Variants in GPC6 observed in about 807,000 individuals in gnomAD.
The protein encoded by GPC6 is glypican-6.
In GPC6, 14 loss-of-function variants were observed where a neutral mutation model predicts 55.2. That is an observed-to-expected ratio of 0.25 (90% CI 0.17 to 0.40). GPC6 has a LOEUF of 0.40. Ranked by LOEUF, GPC6 falls within the 10% of genes least tolerant of loss-of-function variation. The pLI, the probability that GPC6 is intolerant of heterozygous loss-of-function variation, is 1.00. For missense variants in GPC6, 641 were observed against 708.5 expected (o/e 0.90, Z 1.08); for synonymous variants, 278 against 259.6 (o/e 1.07, Z -0.68).
At chr13:94,352,464 G>T (rs1346932206) in intron 6 of GPC6, among the ~76,000 whole-genome samples, 2 of 152,090 alleles carry the variant, frequency 1.3e-5, no homozygotes, top group African/African-American at 2.4e-5. Flanking sequence ...GGGAGGCACT[G>T]TAGGAGCTCC....
At chr13:94,007,530 G>A (rs562876079) in intron 3 of GPC6, among the ~76,000 whole-genome samples, 2 of 152,300 alleles carry the variant, frequency 1.3e-5, no homozygotes, top group East Asian at 1.9e-4. Flanking sequence ...AAGAGACCTC[G>A]GGAATGCATT....
At chr13:93,849,698 T>A (rs1265349488) in intron 3 of GPC6, among the ~76,000 whole-genome samples, 1 of 152,136 alleles carries the variant, frequency 6.6e-6, no homozygotes, top group Non-Finnish European at 1.5e-5. Flanking sequence ...TCAGCTCATC[T>A]TTCCAGAGGC....
At chr13:94,098,619 T>C (rs1385097503) in intron 4 of GPC6, among the ~76,000 whole-genome samples, 2 of 152,106 alleles carry the variant, frequency 1.3e-5, no homozygotes, top group Non-Finnish European at 2.9e-5. Flanking sequence ...TGGTCTCCTT[T>C]AATATGTTGG....
At chr13:94,364,343 T>C (rs550535029) in intron 6 of GPC6, among the ~76,000 whole-genome samples, 6 of 152,264 alleles carry the variant, frequency 3.9e-5, no homozygotes, top group Non-Finnish European at 8.8e-5. Flanking sequence ...TACTCCCTGG[T>C]TGGTGCCCCA....
intron 6 of GPC6, among the ~76,000 whole-genome samples, chr13:94,307,990 T>G (rs2139114141): frequency 6.6e-6 from 1 of 152,280 alleles, no homozygotes. Flanking sequence ...CAATAGTGTA[T>G]TGTTCACTTA....
intron 3 of GPC6, among the ~76,000 whole-genome samples, chr13:93,925,115 C>A (rs1877784806): frequency 6.6e-6 from 1 of 152,178 alleles, no homozygotes; most frequent in African/African-American, 2.4e-5. Context: ...CTCATTTTAA[C>A]CCTCCCAACA....
intron 4 of GPC6, among the ~76,000 whole-genome samples, chr13:94,131,169 A>G (rs1886987508): frequency 6.6e-6 from 1 of 152,158 alleles, no homozygotes; most frequent in South Asian, 2.1e-4. Flanking sequence ...GAAGAAACTT[A>G]CCATATGTTT....
intron 1 of GPC6, among the ~76,000 whole-genome samples, chr13:93,254,326 A>G (rs1424579871): frequency 6.6e-6 from 1 of 152,206 alleles, no homozygotes; most frequent in Non-Finnish European, 1.5e-5. Flanking sequence ...TCTATCTCTT[A>G]TAAAAACAAA....
intron 2 of GPC6, among the ~76,000 whole-genome samples, chr13:93,633,442 T>C (rs1879548699): frequency 6.6e-6 from 1 of 151,962 alleles, no homozygotes; most frequent in Non-Finnish European, 1.5e-5. Flanking sequence ...GGTCAGGAGT[T>C]TAAGACTAGC....
intron 3 of GPC6, among the ~76,000 whole-genome samples, chr13:93,854,512 A>C (rs960311646): frequency 1.3e-5 from 2 of 151,750 alleles, no homozygotes; most frequent in Non-Finnish European, 3.0e-5. Flanking sequence ...TATATTGTTA[A>C]ATTTTCACTG....
At chr13:93,456,225 T>C (rs1299632218) in intron 1 of GPC6, among the ~76,000 whole-genome samples, 3 of 152,160 alleles carry the variant, frequency 2.0e-5, no homozygotes, top group Non-Finnish European at 4.4e-5. Flanking sequence ...TCAGCATTCA[T>C]AATTAAGAGA....
chr13:93,738,839 T>G (rs1306867516), intron 2 of GPC6, among the ~76,000 whole-genome samples: 2 of 152,160 alleles, frequency 1.3e-5, no homozygotes, highest in Non-Finnish European at 2.9e-5. Flanking sequence ...GTTCACTGTT[T>G]TAGCAGTTCT....
At chr13:93,841,717 A>G (rs1367569907) in intron 3 of GPC6, among the ~76,000 whole-genome samples, 1 of 152,188 alleles carries the variant, frequency 6.6e-6, no homozygotes, top group Non-Finnish European at 1.5e-5. Flanking sequence ...GAATTTTTTA[A>G]TTCATTTTTG....
intron 1 of GPC6, among the ~76,000 whole-genome samples, chr13:93,280,205 T>C (rs1357959587): frequency 1.3e-5 from 2 of 152,220 alleles, no homozygotes; most frequent in East Asian, 3.9e-4. Flanking sequence ...TTCTAGGTAC[T>C]GTAAAGATAG....
chr13:93,373,221 A>G (rs574465665), intron 1 of GPC6, among the ~76,000 whole-genome samples: 3 of 152,300 alleles, frequency 2.0e-5, no homozygotes, highest in Non-Finnish European at 4.4e-5. Flanking sequence ...TGGACAGGCT[A>G]TGCTTACTTT....
At chr13:94,305,195 C>G (rs1021247664) in intron 5 of GPC6, among the ~76,000 whole-genome samples, 1 of 152,188 alleles carries the variant, frequency 6.6e-6, no homozygotes, top group Non-Finnish European at 1.5e-5. Context: ...CAAACATTGA[C>G]TTAGCAAATA....
intron 3 of GPC6, among the ~76,000 whole-genome samples, chr13:93,895,499 TAAAAA>T: frequency 6.6e-6 from 1 of 151,748 alleles, no homozygotes; most frequent in Non-Finnish European, 1.5e-5. Context: ...TTGATTCAAG[TAAAAA>T]GAAGCAACAG....
rs577430357 is a variant in GPC6, at chr13:93,955,189, C to A, written c.712-72540C>A. Among the ~76,000 whole-genome samples the A allele has an allele frequency of 2.9e-4, 43 of 149,244 alleles. No homozygotes were observed. In the East Asian group the frequency reaches 7.4e-3, roughly 26 times the overall value. ...CACCACATCTTTTGATATCTTCTTG[C>A]CAGTGAAGTGCAGAAGGAAGTTGGT... On this transcript the variant is annotated intron_variant, in intron 3 of 8. Coordinates refer to ENST00000377047, the MANE Select transcript of GPC6 (RefSeq NM_005708.5).
At chr13:93,885,307 A>G (rs1410362390) in intron 3 of GPC6, among the ~76,000 whole-genome samples, 1 of 149,584 alleles carries the variant, frequency 6.7e-6, no homozygotes, top group Non-Finnish European at 1.5e-5. Context: ...TCTTTCTACA[A>G]TTTTACTATT....
Sources: gnomAD v4.1 joint callset for allele counts (sites outside exome capture counted in the v4.1 genomes callset) on GRCh38, gnomAD v4.1.1 for gene constraint, MANE v1.5 for transcripts, NCBI Gene and HGNC (gene_info 2026-07-23, HGNC 2026-07-21) for gene names.